The following RNF144A variants were observed in gnomAD, a reference collection of about 807,000 sequenced individuals.
The protein encoded by RNF144A is E3 ubiquitin-protein ligase RNF144A.
In RNF144A, 11 loss-of-function variants were observed where a neutral mutation model predicts 38.7. The ratio of observed to expected loss-of-function variants is 0.28; its 90% CI spans 0.18 to 0.47. The LOEUF (loss-of-function observed/expected upper bound fraction) is 0.47, where lower values mean the gene tolerates loss of function less well. Ranked by LOEUF, RNF144A falls within the 20% of genes least tolerant of loss-of-function variation. The pLI, the probability that RNF144A is intolerant of heterozygous loss-of-function variation, is 0.99. For missense variants in RNF144A, 316 were observed against 377.2 expected, an observed-to-expected ratio of 0.84 and a Z score of 1.34; for synonymous variants, 149 against 143.9, an observed-to-expected ratio of 1.04 and a Z score of -0.25.
intron 5 of RNF144A, among the ~76,000 whole-genome samples, chr2:7,020,116 C>G (rs1671420005): frequency 3.3e-5 from 5 of 152,148 alleles, no homozygotes; most frequent in Admixed American, 3.3e-4. Context: ...CAGAGAAACC[C>G]GACAGGCAGG....
intron 2 of RNF144A, among the ~76,000 whole-genome samples, chr2:6,954,653 C>T: frequency 6.6e-6 from 1 of 152,200 alleles, no homozygotes; most frequent in East Asian, 1.9e-4. Context: ...AAGATGGGAA[C>T]TCTCCACTGA....
intron 2 of RNF144A, among the ~76,000 whole-genome samples, chr2:6,988,716 A>C (rs1164215928): frequency 6.6e-6 from 1 of 152,086 alleles, no homozygotes; most frequent in African/African-American, 2.4e-5. Context: ...ACCATTTTCT[A>C]AACTACACTC....
intron 2 of RNF144A, among the ~76,000 whole-genome samples, chr2:6,959,202 G>A (rs1316436847): frequency 6.6e-6 from 1 of 152,154 alleles, no homozygotes; most frequent in Admixed American, 6.5e-5. Context: ...ACTCCAGGGA[G>A]TTCTGATCTC....
At chr2:6,955,619 A>G (rs1363462747) in intron 2 of RNF144A, among the ~76,000 whole-genome samples, 3 of 151,980 alleles carry the variant, frequency 2.0e-5, no homozygotes, top group Non-Finnish European at 4.4e-5. Flanking sequence ...TACAATCATC[A>G]CTGTGTCTAG....
chr2:7,008,317 C>T (rs996794562), intron 3 of RNF144A, among the ~76,000 whole-genome samples: 2 of 152,240 alleles, frequency 1.3e-5, no homozygotes, highest in Admixed American at 6.5e-5. Flanking sequence ...TTTTGTAGAC[C>T]GCAGTGTAGC....
chr2:6,944,714 C>G lies in RNF144A; in HGVS notation c.-12+3567C>G, dbSNP rs921328201. ...AAAGAACCCTGGAGAAAACACATCA[C>G]GAGGCCAAGTAGAATTTTGTGTTCT... is the stretch of plus-strand genomic sequence containing the variant. On this transcript the variant is annotated intron_variant, in intron 2 of 8. Transcript: ENST00000320892. The surrounding 1 kb of genome is among the most constrained non-coding windows in gnomAD (Gnocchi z 4.7). 6.6e-6 allele frequency among the ~76,000 whole-genome samples: 1 copy of G among 152,136 alleles called. No homozygotes were observed. The highest frequency in any genetic ancestry group is 1.5e-5 in the Non-Finnish European group (1 of 68,034).
intron 5 of RNF144A, among the ~76,000 whole-genome samples, chr2:7,015,661 G>T (rs1457308356): frequency 2.0e-5 from 3 of 152,184 alleles, no homozygotes; most frequent in Non-Finnish European, 2.9e-5. Flanking sequence ...GACTCTCTTT[G>T]GCTTTGTTTT....
intron 2 of RNF144A, chr2:6,978,631 G>T (rs1668450039): frequency 6.6e-6 from 1 of 152,630 alleles, no homozygotes; most frequent in African/African-American, 2.4e-5. Flanking sequence ...TCCAGGAAAG[G>T]TTGCATCAGT....
chr2:6,978,359 A>G (rs1668434172), intron 2 of RNF144A, among the ~76,000 whole-genome samples: 1 of 152,202 alleles, frequency 6.6e-6, no homozygotes, highest in Non-Finnish European at 1.5e-5. Flanking sequence ...GCCCATTATC[A>G]TTTCAACAAG....
chr2:6,933,255 C>T (rs1293392200), intron 1 of RNF144A: 1 of 152,128 alleles, frequency 6.6e-6, no homozygotes, highest in Non-Finnish European at 1.5e-5. Context: ...CTCTCTTGAG[C>T]AGTATTTTGC....
intron 5 of RNF144A, among the ~76,000 whole-genome samples, chr2:7,015,034 G>A (rs575645498): frequency 1.3e-5 from 2 of 152,304 alleles, no homozygotes; most frequent in South Asian, 4.1e-4. Context: ...GCTCCTGGGG[G>A]AGGCTTAAAG....
At chr2:7,037,240 G>A (rs770377289) in intron 8 of RNF144A, among the ~76,000 whole-genome samples, 2 of 152,188 alleles carry the variant, frequency 1.3e-5, no homozygotes, top group African/African-American at 2.4e-5. Flanking sequence ...TTGGCAATAC[G>A]TTGGGTAACC....
At position 7,043,859 on chromosome 2, in the gene RNF144A, G is replaced by A. The variant is rs918121037; in HGVS notation, c.*4099G>A. The A allele has an allele frequency of 1.3e-5, 13 of 985,456 alleles. No individual in the cohort carries two copies. The highest frequency in any genetic ancestry group is 9.4e-5 in the South Asian group (2 of 21,278). 61.0% of individuals were successfully genotyped at this position (985,456 alleles called of 1,614,324 possible). On this transcript the variant is annotated 3_prime_UTR_variant, in exon 9 of 9. Transcript: ENST00000320892. ...TTTACTATGGGTGTATTTTAATCTT[G>A]TATAAAAATATGCATGAATGAGTCA...
chr2:6,986,680 T>C (rs546849376), intron 2 of RNF144A, among the ~76,000 whole-genome samples: 3 of 152,332 alleles, frequency 2.0e-5, no homozygotes, highest in African/African-American at 7.2e-5. Flanking sequence ...TGCTGCTTTT[T>C]CTTTGTGTTC....
At chr2:6,935,799 C>G (rs1351460564) in intron 1 of RNF144A, among the ~76,000 whole-genome samples, 1 of 152,254 alleles carries the variant, frequency 6.6e-6, no homozygotes, top group Non-Finnish European at 1.5e-5. Flanking sequence ...AGGCCACCCT[C>G]ACGAGCCCAT....
intron 6 of RNF144A, among the ~76,000 whole-genome samples, chr2:7,062,497 TAAAA>T (rs70942688): frequency 3.5e-5 from 4 of 113,434 alleles, no homozygotes; most frequent in Non-Finnish European, 5.4e-5. Flanking sequence ...TGCTGGGTGC[TAAAA>T]AAAAAAAAAA....
At chr2:7,050,770 C>T (rs888118005) in intron 6 of RNF144A, among the ~76,000 whole-genome samples, 1 of 152,198 alleles carries the variant, frequency 6.6e-6, no homozygotes, top group Non-Finnish European at 1.5e-5. Context: ...CCCTCACTGG[C>T]CTCCATGGGG....
At chr2:7,032,381 G>GCCCCTTGCAGCTCTGCTCGAATCCGCA (rs1672371750) in intron 8 of RNF144A, among the ~76,000 whole-genome samples, 1 of 152,280 alleles carries the variant, frequency 6.6e-6, no homozygotes, top group East Asian at 1.9e-4. Flanking sequence ...TCGAATCCGC[G>GCCCCTTGCAGCTCTGCTCGAATCCGCA]CCCCTTGCAG....
chr2:7,056,550 G>A (rs1004454447), intron 6 of RNF144A, among the ~76,000 whole-genome samples: 2 of 152,152 alleles, frequency 1.3e-5, no homozygotes, highest in Non-Finnish European at 2.9e-5. Flanking sequence ...CAATCTGAGG[G>A]TATCTTGGCT....
Sources: gnomAD v4.1 joint callset for allele counts (sites outside exome capture counted in the v4.1 genomes callset) on GRCh38, gnomAD v4.1.1 for gene constraint, Gnocchi (gnomAD v3.1) non-coding constraint, MANE v1.5 for transcripts, NCBI Gene and HGNC (gene_info 2026-07-23, HGNC 2026-07-21) for gene names.